The following ENOX2 variants were observed in gnomAD, a reference collection of about 807,000 sequenced individuals.
ENOX2 encodes APK1 antigen.
ENOX2 carries 36 observed loss-of-function variants against 45.0 expected under a neutral mutation model. The observed-to-expected ratio is 0.80, with a 90% CI of 0.61 to 1.06. The LOEUF (loss-of-function observed/expected upper bound fraction) is 1.06, where lower values mean the gene tolerates loss of function less well. Ranked by LOEUF, ENOX2 falls within the 50% of genes least tolerant of loss-of-function variation. The pLI, the probability that ENOX2 is intolerant of heterozygous loss-of-function variation, is 0.00. For missense variants in ENOX2, 423 were observed against 462.5 expected (o/e 0.91, Z 0.78); for synonymous variants, 174 against 152.3 (o/e 1.14, Z -1.05).
At chrX:130,856,318 C>T (rs777892891) in intron 2 of ENOX2, among the ~76,000 whole-genome samples, 2 of 112,294 alleles carry the variant, frequency 1.8e-5, no homozygotes, top group Non-Finnish European at 3.8e-5. Context: ...GCTGAAGAAG[C>T]GGGTTTACTA....
At chrX:130,817,315 T>A (rs1362170279) in intron 2 of ENOX2, among the ~76,000 whole-genome samples, 1 of 111,908 alleles carries the variant, frequency 8.9e-6, no homozygotes, top group Non-Finnish European at 1.9e-5. Flanking sequence ...CCAGATGGAT[T>A]CACAGCCAAA....
At chrX:130,798,310 G>A (rs1232977061) in intron 2 of ENOX2, among the ~76,000 whole-genome samples, 2 of 112,536 alleles carry the variant, frequency 1.8e-5, no homozygotes, top group Non-Finnish European at 3.8e-5. Context: ...ATTCTAATGT[G>A]CAGCCAGAAT....
At chrX:130,781,205 A>T (rs2039961395) in intron 3 of ENOX2, among the ~76,000 whole-genome samples, 1 of 111,983 alleles carries the variant, frequency 8.9e-6, no homozygotes, top group Non-Finnish European at 1.9e-5. Flanking sequence ...CTAATTTGGA[A>T]TTTGTGGTAA....
chrX:130,830,124 T>C (rs974994420), intron 2 of ENOX2, among the ~76,000 whole-genome samples: 1 of 111,288 alleles, frequency 9.0e-6, no homozygotes, highest in Non-Finnish European at 1.9e-5. Context: ...TATTATATTC[T>C]CCCTGATGCA....
Position 130,837,710 on chromosome X carries a change from A to C in ENOX2, c.-182-54020T>G, listed in dbSNP as rs183260662. 5.4e-5 allele frequency among the ~76,000 whole-genome samples: 6 copies of C among 111,542 alleles called. No homozygotes were observed. In the East Asian group the frequency reaches 1.7e-3, roughly 32 times the overall value. ...TATATGATCTTGGGTAGATCACTTA[A>C]TCTCTGTGTTTCAGTTTCTTTATAT... is the stretch of plus-strand genomic sequence containing the variant. On this transcript the variant is annotated intron_variant, in intron 2 of 14. Transcript: ENST00000394363.
chrX:130,829,092 C>A (rs980655376), intron 2 of ENOX2, among the ~76,000 whole-genome samples: 2 of 111,721 alleles, frequency 1.8e-5, no homozygotes, highest in African/African-American at 6.5e-5. Flanking sequence ...GCTGATCCTG[C>A]TCCTACTTTC....
rs1249605047 is a variant in ENOX2 at position 130,688,892 on chromosome X, T to C, written c.224A>G (p.Lys75Arg). ...ATTTGGAGGGAAGAGCGTGCAGCTT[T>C]TACAGTGTATGATCTCTTTTACTAC... ...MPVVKEIIHC[K>R]SCTLFPPNPN... Residue 75 changes from lysine to arginine, a missense_variant, in exon 5 of 15, where the codon AAA becomes AGA. This residue lies in a region of ENOX2 where 261 missense variants were observed against 306.8 expected (regional missense o/e 0.85). Coordinates refer to ENST00000394363, the MANE Select transcript of ENOX2 (RefSeq NM_006375.4). The C allele has an allele frequency of 8.3e-7, 1 of 1,201,304 alleles. No homozygotes were observed. Among genetic ancestry groups the C allele is most frequent in the South Asian group, 1.8e-5 (1 of 55,706 alleles).
intron 2 of ENOX2, among the ~76,000 whole-genome samples, chrX:130,795,990 T>A (rs2077119437): frequency 9.1e-6 from 1 of 110,189 alleles, no homozygotes; most frequent in Non-Finnish European, 1.9e-5. Context: ...TGTGTGTGTG[T>A]GTATGTGTGT....
At chrX:130,769,047 C>G (rs1426493847) in intron 3 of ENOX2, among the ~76,000 whole-genome samples, 1 of 111,041 alleles carries the variant, frequency 9.0e-6, no homozygotes, top group East Asian at 2.8e-4. Flanking sequence ...CTCTATGAAG[C>G]CTAATTATTG....
intron 9 of ENOX2, among the ~76,000 whole-genome samples, chrX:130,656,945 C>A (rs754572540): frequency 9.0e-6 from 1 of 111,519 alleles, no homozygotes; most frequent in South Asian, 3.8e-4. Flanking sequence ...TTCTTATATT[C>A]CTATCATATT....
At chrX:130,680,208 C>G (rs764808232) in intron 5 of ENOX2, among the ~76,000 whole-genome samples, 1 of 112,075 alleles carries the variant, frequency 8.9e-6, no homozygotes, top group African/African-American at 3.2e-5. Flanking sequence ...TTTGAAGGAA[C>G]AGATTCAGGA....
intron 2 of ENOX2, among the ~76,000 whole-genome samples, chrX:130,870,524 T>TA (rs1331921301): frequency 1.8e-5 from 2 of 111,538 alleles, no homozygotes; most frequent in East Asian, 5.7e-4. Context: ...CAGGACAGAA[T>TA]AAAAATCACC....
At chrX:130,656,506 T>C in intron 10 of ENOX2, 75 bp downstream of exon 10, 1 of 631,693 alleles carries the variant, frequency 1.6e-6, no homozygotes, top group Non-Finnish European at 2.6e-6. Flanking sequence ...CATACCTTAC[T>C]GGGTATTAAA....
intron 10 of ENOX2, among the ~76,000 whole-genome samples, chrX:130,651,488 T>G: frequency 8.9e-6 from 1 of 112,070 alleles, no homozygotes; most frequent in African/African-American, 3.2e-5. Context: ...TTGTATTGCT[T>G]CAGCTTCCTG....
At chrX:130,691,364 T>C (rs1056826394) in intron 4 of ENOX2, among the ~76,000 whole-genome samples, 4 of 111,769 alleles carry the variant, frequency 3.6e-5, no homozygotes, top group Admixed American at 9.5e-5. Flanking sequence ...AATTCACTAA[T>C]TGAGGCATTC....
intron 6 of ENOX2, among the ~76,000 whole-genome samples, chrX:130,677,672 G>C (rs2037189036): frequency 2.7e-5 from 3 of 111,726 alleles, no homozygotes; most frequent in African/African-American, 9.8e-5. Flanking sequence ...GGCTTTATAA[G>C]AGGAAGAAAG....
intron 2 of ENOX2, among the ~76,000 whole-genome samples, chrX:130,846,569 TC>T (rs1226449317): frequency 8.9e-6 from 1 of 112,064 alleles, no homozygotes; most frequent in Non-Finnish European, 1.9e-5. Context: ...ACTCCTGACC[TC>T]AGGTGATCTG....
chrX:130,647,845 T>C (rs1004888898), intron 10 of ENOX2, among the ~76,000 whole-genome samples: 1 of 111,089 alleles, frequency 9.0e-6, no homozygotes, highest in Admixed American at 9.6e-5. Context: ...TTCCTACTAC[T>C]ACCTCTTATA....
At chrX:130,794,616 G>A (rs1457810108) in intron 2 of ENOX2, among the ~76,000 whole-genome samples, 1 of 112,864 alleles carries the variant, frequency 8.9e-6, no homozygotes, top group Non-Finnish European at 1.9e-5. Flanking sequence ...GTGAGTGAAT[G>A]AAAATTGAAG....
Sources: allele counts gnomAD v4.1 joint callset (sites outside exome capture counted in the v4.1 genomes callset), GRCh38; gene constraint gnomAD v4.1.1; regional missense constraint gnomAD v4.1.1; transcripts MANE v1.5; gene names NCBI Gene and HGNC (gene_info 2026-07-23, HGNC 2026-07-21).